Variants in AKR1C4 observed in about 807,000 individuals in gnomAD.
The protein encoded by AKR1C4 is aldo-keto reductase family 1 member C4.
In AKR1C4, 44 loss-of-function variants were observed where a neutral mutation model predicts 41.0. That is an observed-to-expected ratio of 1.07 (90% CI 0.84 to 1.38). AKR1C4 has a LOEUF of 1.38. Among genes scored for constraint, AKR1C4 ranks in the 40% most tolerant of loss-of-function variants. AKR1C4 has a pLI of 0.00. For missense variants in AKR1C4, 438 were observed against 387.9 expected (o/e 1.13, Z -1.09); for synonymous variants, 165 against 137.7 (o/e 1.20, Z -1.39).
At chr10:5,202,578 T>C (rs1554797030) in intron 2 of AKR1C4, 1 of 383,422 alleles carries the variant, frequency 2.6e-6, no homozygotes, top group African/African-American at 2.1e-5. Flanking sequence ...ATCCTTGTCT[T>C]ATTCCAGTTT....
At chr10:5,217,850 C>A (rs1177522103) in intron 8 of AKR1C4, among the ~76,000 whole-genome samples, 5 of 152,170 alleles carry the variant, frequency 3.3e-5, no homozygotes, top group Admixed American at 6.5e-5. Context: ...TTTCTATATG[C>A]TCCAAGGTTC....
chr10:5,218,368 T>A (rs1313492388), intron 8 of AKR1C4, among the ~76,000 whole-genome samples: 4 of 152,218 alleles, frequency 2.6e-5, no homozygotes, highest in Non-Finnish European at 5.9e-5. Context: ...TTATTTCTAT[T>A]CAAAACAATG....
chr10:5,199,993 A>C (rs1832372083), intron 1 of AKR1C4, among the ~76,000 whole-genome samples, 188 bp from the exon 2 acceptor site: 1 of 152,048 alleles, frequency 6.6e-6, no homozygotes, highest in Non-Finnish European at 1.5e-5. Flanking sequence ...ACACCTAGAC[A>C]CTGTCAACGG....
chr10:5,206,017 G>A (rs1028890619), intron 4 of AKR1C4, among the ~76,000 whole-genome samples, 183 bp downstream of exon 4: 2 of 152,270 alleles, frequency 1.3e-5, no homozygotes, highest in South Asian at 2.1e-4. Context: ...AGGAAATGAA[G>A]GAGATAAACT....
chr10:5,216,066 C>G (rs1554798469), intron 7 of AKR1C4, among the ~76,000 whole-genome samples: 1 of 152,112 alleles, frequency 6.6e-6, no homozygotes, highest in Admixed American at 6.6e-5. Flanking sequence ...ATCATGGCAC[C>G]AGCATTTAGT....
chr10:5,208,036 C>A (rs1832516395), intron 5 of AKR1C4, among the ~76,000 whole-genome samples: 1 of 147,994 alleles, frequency 6.8e-6, no homozygotes, highest in Non-Finnish European at 1.5e-5. Flanking sequence ...AAATTTGATG[C>A]AAAGTTAGTG....
At chr10:5,200,451 T>A in intron 2 of AKR1C4, 103 bp downstream of exon 2, 1 of 1,491,516 alleles carries the variant, frequency 6.7e-7, no homozygotes, top group African/African-American at 1.4e-5. Context: ...ATTGTGCTTA[T>A]TAGTTCCAAT....
intron 7 of AKR1C4, among the ~76,000 whole-genome samples, chr10:5,216,292 G>C (rs1323599809): frequency 6.6e-6 from 1 of 152,140 alleles, no homozygotes; most frequent in Non-Finnish European, 1.5e-5. Context: ...CTCCCACCAG[G>C]ACCCACTTCC....
intron 7 of AKR1C4, among the ~76,000 whole-genome samples, chr10:5,216,090 C>T (rs2132141563): frequency 6.6e-6 from 1 of 152,248 alleles, no homozygotes; most frequent in East Asian, 1.9e-4. Context: ...GGTGAGGGCT[C>T]AGGAAGCATT....
chr10:5,217,261 G>T (rs141668164), intron 8 of AKR1C4, among the ~76,000 whole-genome samples: 102 of 152,242 alleles, frequency 6.7e-4, no homozygotes, highest in African/African-American at 2.3e-3. Context: ...ATATGGAATT[G>T]CTCACTAGAT....
intron 5 of AKR1C4, chr10:5,207,068 CA>C: frequency 6.5e-6 from 1 of 154,438 alleles, no homozygotes. Context: ...ACCCAGACTC[CA>C]AAACGGGAGT....
chr10:5,211,972 A>C lies in AKR1C4; in HGVS notation c.571-644A>C, dbSNP rs546043824. On this transcript the variant is annotated intron_variant, in intron 5 of 8. Coordinates refer to ENST00000263126, the MANE Select transcript of AKR1C4 (RefSeq NM_001818.5). ...GAGACTTATTCACTATCATGAGAACAACACAGGAAAGACCCATTCCCATGA... is the reference window on the plus strand; with the variant it reads ...GAGACTTATTCACTATCATGAGAACCACACAGGAAAGACCCATTCCCATGA... Among the ~76,000 whole-genome samples, 14 of 152,290 alleles carry C rather than the reference A, an allele frequency of 9.2e-5. No homozygotes were observed. In the South Asian group the frequency reaches 2.9e-3, roughly 32 times the overall value.
At chr10:5,211,064 T>C (rs971937324) in intron 5 of AKR1C4, among the ~76,000 whole-genome samples, 4 of 152,168 alleles carry the variant, frequency 2.6e-5, no homozygotes, top group Non-Finnish European at 5.9e-5. Context: ...GGGCACCAAG[T>C]CCCTAGACTG....
At chr10:5,206,545 C>T in intron 5 of AKR1C4, 148 bp downstream of exon 5, 1 of 1,402,414 alleles carries the variant, frequency 7.1e-7, no homozygotes, top group Non-Finnish European at 9.6e-7. Flanking sequence ...AACGGAAGAC[C>T]CTTAATTGCA....
intron 4 of AKR1C4, 67 bp downstream of exon 4, chr10:5,205,901 C>CATATGCAACATTGGA: frequency 6.9e-7 from 1 of 1,443,618 alleles, no homozygotes; most frequent in Non-Finnish European, 9.5e-7. Flanking sequence ...CCCCAGCTTT[C>CATATGCAACATTGGA]ATATGCAACA....
intron 7 of AKR1C4, among the ~76,000 whole-genome samples, chr10:5,214,282 C>G (rs1564404707): frequency 6.6e-6 from 1 of 152,166 alleles, no homozygotes; most frequent in Non-Finnish European, 1.5e-5. Flanking sequence ...CATTTCCCCT[C>G]TTTCAGAGTT....
chr10:5,202,773 A>G (rs1832419968), intron 2 of AKR1C4, among the ~76,000 whole-genome samples: 1 of 152,102 alleles, frequency 6.6e-6, no homozygotes, highest in Non-Finnish European at 1.5e-5. Context: ...TTTGTGTGGT[A>G]TATCATATTT....
intron 7 of AKR1C4, 30 bp downstream of exon 7, chr10:5,213,189 T>C (rs782488505): frequency 6.2e-6 from 10 of 1,610,534 alleles, no homozygotes; most frequent in Non-Finnish European, 8.5e-6. Context: ...TCAGGGCTCC[T>C]GCACAGTGTC....
At position 5,202,527 on chromosome 10, in the gene AKR1C4, A is replaced by G. The variant is rs148550231; in HGVS notation, c.253-1850A>G. 6.3e-4 allele frequency: 285 copies of G among 453,438 alleles called. 1 individual carries two copies. In the East Asian group the frequency reaches 0.011, roughly 18 times the overall value. 28.1% of individuals were successfully genotyped at this position (453,438 alleles called of 1,614,324 possible). A position where few individuals can be genotyped will look rare whatever the true frequency, so the allele number is the denominator to read the frequency against. Reference sequence around the variant, plus strand: ...ACCTTGCCTGATTACTCTGGCTAGGACTTCCAGTACTATGTTTAATAGAAG... The same window carrying G: ...ACCTTGCCTGATTACTCTGGCTAGGGCTTCCAGTACTATGTTTAATAGAAG... On this transcript the variant is annotated intron_variant, in intron 2 of 8. Transcript: ENST00000263126.
Sources: allele counts gnomAD v4.1 joint callset (sites outside exome capture counted in the v4.1 genomes callset), GRCh38; gene constraint gnomAD v4.1.1; transcripts MANE v1.5; gene names NCBI Gene and HGNC (gene_info 2026-07-23, HGNC 2026-07-21).